Variants in ABLIM3 observed in about 807,000 individuals in gnomAD.
ABLIM3 encodes actin-binding LIM protein 3.
Under a neutral mutation model 109.5 loss-of-function variants are expected in ABLIM3, and 61 were observed. The observed-to-expected ratio is 0.56, with a 90% CI of 0.45 to 0.69. ABLIM3 has a LOEUF of 0.69. Among genes scored for constraint, ABLIM3 ranks in the 30% least tolerant of loss-of-function variants. The pLI, the probability that ABLIM3 is intolerant of heterozygous loss-of-function variation, is 0.00. For missense variants in ABLIM3, 796 were observed against 889.5 expected (o/e 0.89, Z 1.34); for synonymous variants, 300 against 324.8 (o/e 0.92, Z 0.82).
intron 3 of ABLIM3, among the ~76,000 whole-genome samples, chr5:149,195,771 A>G (rs886681086): frequency 1.3e-5 from 2 of 152,188 alleles, no homozygotes; most frequent in African/African-American, 2.4e-5. Context: ...GAGACCAGAC[A>G]TTGTTTGATG....
intron 2 of ABLIM3, among the ~76,000 whole-genome samples, chr5:149,150,943 GAATA>G (rs1753375123): frequency 6.6e-6 from 1 of 152,134 alleles, no homozygotes; most frequent in South Asian, 2.1e-4. Context: ...GAGATATAAA[GAATA>G]AATAAGTTAG....
At chr5:149,178,950 G>T (rs1168136348) in intron 2 of ABLIM3, among the ~76,000 whole-genome samples, 1 of 152,140 alleles carries the variant, frequency 6.6e-6, no homozygotes, top group South Asian at 2.1e-4. Flanking sequence ...ACAGCAGAGA[G>T]GGAATTGGAA....
chr5:149,235,691 C>T lies in ABLIM3; in HGVS notation c.889-1757C>T, dbSNP rs1762276927. Among the ~76,000 whole-genome samples, 4 of 152,338 alleles carry T rather than the reference C, an allele frequency of 2.6e-5. 1 individual carries two copies. The South Asian group carries it at 8.3e-4, about 32-fold the overall frequency. ...CCAGGACAAAAGGCAGCAATTACTT[C>T]AGCAAGTGGACTCTCATCTAATAAA... On this transcript the variant is annotated intron_variant, in intron 10 of 23. Coordinates refer to ENST00000309868, the MANE Select transcript of ABLIM3 (RefSeq NM_014945.5).
chr5:149,205,614 A>G (rs1019940248), intron 5 of ABLIM3, among the ~76,000 whole-genome samples: 2 of 152,126 alleles, frequency 1.3e-5, no homozygotes, highest in African/African-American at 4.8e-5. Flanking sequence ...GAGTCTAATT[A>G]TTGGGCAGGG....
At chr5:149,156,895 G>T (rs73795802) in intron 2 of ABLIM3, among the ~76,000 whole-genome samples, 143 of 152,356 alleles carry the variant, frequency 9.4e-4, no homozygotes, top group African/African-American at 3.2e-3. Context: ...AGGGTGATTT[G>T]GCCCGTGAGC....
chr5:149,253,443 C>T (rs1754130776), intron 23 of ABLIM3, among the ~76,000 whole-genome samples: 1 of 152,184 alleles, frequency 6.6e-6, no homozygotes, highest in African/African-American at 2.4e-5. Context: ...GATTGGTGTG[C>T]TTCCCCCATG....
chr5:149,221,365 T>G (rs566360761), intron 8 of ABLIM3, among the ~76,000 whole-genome samples: 6 of 152,306 alleles, frequency 3.9e-5, no homozygotes, highest in Admixed American at 1.3e-4. Context: ...AGTGTTGGGA[T>G]GCCTGCAAAG....
At chr5:149,169,982 T>C (rs755211304) in intron 2 of ABLIM3, among the ~76,000 whole-genome samples, 1 of 152,234 alleles carries the variant, frequency 6.6e-6, no homozygotes, top group Non-Finnish European at 1.5e-5. Context: ...ATCTCTTTTT[T>C]TAACTTTTAT....
At position 149,183,552 on chromosome 5, in the gene ABLIM3, C is replaced by A. The variant is rs762615218; in HGVS notation, c.114C>A (p.His38Gln). Residue 38 changes from histidine (H) to glutamine (Q), a missense_variant, in exon 3 of 24, where the codon CAC becomes CAA. Transcript: ENST00000309868. ...DTCKGEVVRVHNNHFHIRCFT... is the reference protein window; with the variant it reads ...DTCKGEVVRVQNNHFHIRCFT... ...GCAAAGGGGAAGTGGTCCGCGTGCA[C>A]AACAACCACTTCCACATCAGATGCT... The A allele has an allele frequency of 2.3e-5, 37 of 1,587,734 alleles. No homozygotes were observed. Among genetic ancestry groups the A allele is most frequent in the Non-Finnish European group, 3.1e-5 (36 of 1,167,978 alleles).
chr5:149,192,665 T>C (rs116681666), intron 3 of ABLIM3, among the ~76,000 whole-genome samples: 7,215 of 150,528 alleles, frequency 0.048, 533 homozygotes, highest in African/African-American at 0.17. Flanking sequence ...AGAAACACTC[T>C]GCCTAATAAA....
At chr5:149,157,495 T>C (rs1753958550) in intron 2 of ABLIM3, among the ~76,000 whole-genome samples, 1 of 150,910 alleles carries the variant, frequency 6.6e-6, no homozygotes, top group Admixed American at 6.6e-5. Flanking sequence ...TAATGGACTG[T>C]CACCATGGTG....
At chr5:149,201,819 G>A (rs902094990) in intron 5 of ABLIM3, among the ~76,000 whole-genome samples, 10 of 152,142 alleles carry the variant, frequency 6.6e-5, no homozygotes, top group Admixed American at 3.9e-4. Context: ...GGGGCCATGT[G>A]TGAGGCAGGA....
chr5:149,245,785 T>C (rs941504954), intron 16 of ABLIM3, among the ~76,000 whole-genome samples: 3 of 152,032 alleles, frequency 2.0e-5, no homozygotes, highest in African/African-American at 7.2e-5. Flanking sequence ...GGGGGAAATT[T>C]TTCCCCCCAT....
intron 8 of ABLIM3, among the ~76,000 whole-genome samples, chr5:149,222,154 T>A (rs959118575): frequency 6.6e-5 from 10 of 150,642 alleles, no homozygotes; most frequent in Admixed American, 2.7e-4. Flanking sequence ...ATTATTATTA[T>A]TAATAATATA....
intron 2 of ABLIM3, among the ~76,000 whole-genome samples, chr5:149,171,817 A>G (rs1755462248): frequency 6.7e-6 from 1 of 149,734 alleles, no homozygotes; most frequent in Non-Finnish European, 1.5e-5. Flanking sequence ...AATCTCAAAC[A>G]TATCTCTTTG....
chr5:149,182,958 CATTTGATAGACATGAAA>C (rs754594107), intron 2 of ABLIM3, among the ~76,000 whole-genome samples: 154 of 152,262 alleles, frequency 1.0e-3, no homozygotes, highest in Non-Finnish European at 1.8e-3. Context: ...TGACCACCCT[CATTTGATAGACATGAAA>C]ATTGAGGCCC....
intron 2 of ABLIM3, among the ~76,000 whole-genome samples, chr5:149,173,771 C>A (rs1056295365): frequency 3.9e-5 from 6 of 152,102 alleles, no homozygotes; most frequent in Admixed American, 2.6e-4. Context: ...CCTGTAATCC[C>A]AGCACTTTGG....
chr5:149,164,958 G>C (rs1754692271), intron 2 of ABLIM3, among the ~76,000 whole-genome samples: 1 of 152,196 alleles, frequency 6.6e-6, no homozygotes, highest in Non-Finnish European at 1.5e-5. Context: ...TGTGAATCGA[G>C]GCTTCCATCA....
chr5:149,230,557 AC>A, intron 8 of ABLIM3, 91 bp from the exon 9 acceptor site: 1 of 1,386,260 alleles, frequency 7.2e-7, no homozygotes. Context: ...TAAGGGACAT[AC>A]GCTGACCACG....
Sources: gnomAD v4.1 joint callset for allele counts (sites outside exome capture counted in the v4.1 genomes callset) on GRCh38, gnomAD v4.1.1 for gene constraint, MANE v1.5 for transcripts, NCBI Gene and HGNC (gene_info 2026-07-23, HGNC 2026-07-21) for gene names.